NUP205: variants seen among roughly 807,000 people sequenced by gnomAD.
The protein encoded by NUP205 is nuclear pore complex protein Nup205.
Under a neutral mutation model 253.8 loss-of-function variants are expected in NUP205, and 76 were observed. The observed-to-expected ratio is 0.30, with a 90% CI of 0.25 to 0.36. The LOEUF is 0.36. NUP205 is among the 10% of genes least tolerant of loss of function. The pLI is 1.00. For synonymous variants in NUP205, 832 were observed against 850.1 expected (o/e 0.98, Z 0.37); for missense variants, 2,162 against 2,425.5 (o/e 0.89, Z 2.28).
At chr7:135,558,315 C>T in intron 1 of NUP205, 1 of 346,286 alleles carries the variant, frequency 2.9e-6, no homozygotes, top group South Asian at 3.1e-5. Context: ...CGCATCAGGT[C>T]TTCCACAGTG....
intron 42 of NUP205, among the ~76,000 whole-genome samples, chr7:135,647,009 G>A (rs1331921683): frequency 1.3e-5 from 2 of 152,218 alleles, no homozygotes; most frequent in African/African-American, 2.4e-5. Flanking sequence ...GAGATTGAGA[G>A]CAGCCAATAC....
chr7:135,614,107 T>G, intron 22 of NUP205, 52 bp from the exon 23 acceptor site: 1 of 987,040 alleles, frequency 1.0e-6, no homozygotes, highest in East Asian at 2.5e-5. Flanking sequence ...TACCATAATA[T>G]GTGTAACACA....
Position 135,606,857 on chromosome 7 carries a change from C to T in NUP205, c.3012C>T (p.Leu1004=). 1 of 1,614,038 alleles carries T rather than the reference C, an allele frequency of 6.2e-7. No homozygotes were observed. Among genetic ancestry groups the T allele is most frequent in the Non-Finnish European group, 8.5e-7 (1 of 1,179,918 alleles). ...SLECNPPNLA[L]YLLGFELKKP... ...AATGCAATCCACCCAATCTTGCTCTCTACCTGTTGGGCTTTGAATTGAAAA... is the reference window on the plus strand; with the variant it reads ...AATGCAATCCACCCAATCTTGCTCTTTACCTGTTGGGCTTTGAATTGAAAA... Residue 1004 remains leucine (L), a synonymous_variant, in exon 21 of 43, where the codon CTC becomes CTT. Coordinates refer to ENST00000285968, the MANE Select transcript of NUP205 (RefSeq NM_015135.3).
intron 1 of NUP205, among the ~76,000 whole-genome samples, chr7:135,567,174 A>ATATATATATATATG (rs1805803075): frequency 1.9e-5 from 2 of 105,862 alleles, no homozygotes; most frequent in Non-Finnish European, 1.9e-5. Context: ...ATATATATAT[A>ATATATATATATATG]TATATATGTA....
rs1418735831 is a variant in NUP205, at chr7:135,646,301, A to G, written c.5886+70A>G. ...AAAAGGGCTGGGTGTGATGGTACACATCTGTAATCCCAGCATTTTGGGAGG... is the reference window on the plus strand; with the variant it reads ...AAAAGGGCTGGGTGTGATGGTACACGTCTGTAATCCCAGCATTTTGGGAGG... On this transcript the variant is annotated intron_variant, in intron 42 of 42. Transcript: ENST00000285968. 6.3e-6 allele frequency: 7 copies of G among 1,112,958 alleles called. 1 individual carries two copies. Among genetic ancestry groups the G allele is most frequent in the Non-Finnish European group, 9.5e-6 (7 of 736,230 alleles). 68.9% of individuals were successfully genotyped at this position (1,112,958 alleles called of 1,614,324 possible).
intron 30 of NUP205, among the ~76,000 whole-genome samples, chr7:135,622,179 C>T (rs1423727162): frequency 6.6e-6 from 1 of 151,444 alleles, no homozygotes; most frequent in Non-Finnish European, 1.5e-5. Context: ...AATCCCAGCA[C>T]TTTGGGAGGC....
chr7:135,591,791 T>C (rs1396515608), intron 11 of NUP205, among the ~76,000 whole-genome samples, 191 bp downstream of exon 11: 2 of 152,214 alleles, frequency 1.3e-5, no homozygotes, highest in Non-Finnish European at 2.9e-5. Context: ...GTCTCACAGA[T>C]TGGGGAGTTT....
chr7:135,605,912 T>C (rs1258133023), intron 19 of NUP205, among the ~76,000 whole-genome samples: 3 of 152,044 alleles, frequency 2.0e-5, no homozygotes, highest in African/African-American at 7.3e-5. Flanking sequence ...GAAGCAAGTT[T>C]TGAAATCAAT....
chr7:135,638,414 GAAAAAA>G (rs372398905), intron 37 of NUP205, 137 bp from the exon 38 acceptor site: 16 of 465,594 alleles, frequency 3.4e-5, no homozygotes, highest in Non-Finnish European at 4.9e-5. Context: ...GACTCCATCT[GAAAAAA>G]AAAAAAAAAA....
At chr7:135,569,659 T>C (rs1442966269) in intron 1 of NUP205, among the ~76,000 whole-genome samples, 2 of 151,994 alleles carry the variant, frequency 1.3e-5, no homozygotes, top group Non-Finnish European at 2.9e-5. Flanking sequence ...GACATAATCA[T>C]ACATGTAAAG....
chr7:135,597,175 G>A, intron 13 of NUP205, 193 bp from the exon 14 acceptor site: 1 of 489,946 alleles, frequency 2.0e-6, no homozygotes, highest in Non-Finnish European at 3.7e-6. Flanking sequence ...ACCCCAGACA[G>A]TCAAAAGTTC....
chr7:135,644,216 G>C (rs967458334), intron 39 of NUP205, among the ~76,000 whole-genome samples: 3 of 152,232 alleles, frequency 2.0e-5, no homozygotes, highest in Non-Finnish European at 4.4e-5. Context: ...GTAGCTGGCA[G>C]GAACAGGGTG....
At chr7:135,558,723 G>A (rs901700649) in intron 1 of NUP205, among the ~76,000 whole-genome samples, 2 of 152,166 alleles carry the variant, frequency 1.3e-5, no homozygotes, top group Non-Finnish European at 2.9e-5. Context: ...ATAGTAGGCG[G>A]GGCAAGGATG....
At chr7:135,622,671 G>GTTTT in intron 30 of NUP205, 106 bp from the exon 31 acceptor site, 5 of 853,568 alleles carry the variant, frequency 5.9e-6, no homozygotes, top group African/African-American at 1.8e-5. Flanking sequence ...TTTTTGTTGC[G>GTTTT]TTTTTTTTTT....
chr7:135,615,556 A>G (rs891498178), intron 23 of NUP205, among the ~76,000 whole-genome samples: 1 of 152,176 alleles, frequency 6.6e-6, no homozygotes, highest in African/African-American at 2.4e-5. Flanking sequence ...CCAAACTATG[A>G]TAGTTTTTTG....
At chr7:135,605,567 G>A (rs1230473589) in intron 19 of NUP205, among the ~76,000 whole-genome samples, 1 of 152,192 alleles carries the variant, frequency 6.6e-6, no homozygotes, top group Non-Finnish European at 1.5e-5. Context: ...CATAAGAGGT[G>A]TAAGTCTCAT....
chr7:135,626,443 C>A, intron 33 of NUP205, 82 bp downstream of exon 33: 2 of 1,454,180 alleles, frequency 1.4e-6, no homozygotes. Flanking sequence ...CATAATTTTG[C>A]CGCTTAGCAA....
At chr7:135,646,101 A>G in intron 41 of NUP205, 57 bp from the exon 42 acceptor site, 2 of 1,084,624 alleles carry the variant, frequency 1.8e-6, no homozygotes, top group Non-Finnish European at 2.9e-6. Context: ...AGGTTCCTCC[A>G]CTGTGTGGTA....
At position 135,646,089 on chromosome 7, in the gene NUP205, T is replaced by G. The variant is rs188906559; in HGVS notation, c.5813-69T>G. On this transcript the variant is annotated intron_variant, in intron 41 of 42. Transcript: ENST00000285968. ...GTGCTATTGTTATTATTCATTGTCATCAGGTTCCTCCACTGTGTGGTAGAT... is the reference window on the plus strand; with the variant it reads ...GTGCTATTGTTATTATTCATTGTCAGCAGGTTCCTCCACTGTGTGGTAGAT... 1.6e-5 allele frequency: 15 copies of G among 956,834 alleles called. No individual in the cohort carries two copies. In the East Asian group the frequency reaches 3.3e-4, roughly 21 times the overall value. The allele number at this position is 956,834 out of a possible 1,614,324, so 59.3% of individuals were successfully genotyped here.
Sources: gnomAD v4.1 joint callset for allele counts (sites outside exome capture counted in the v4.1 genomes callset) on GRCh38, gnomAD v4.1.1 for gene constraint, MANE v1.5 for transcripts, NCBI Gene and HGNC (gene_info 2026-07-23, HGNC 2026-07-21) for gene names.